The following ARNT2 variants were observed in gnomAD, a reference collection of about 807,000 sequenced individuals.
ARNT2 encodes ARNT protein 2.
Under a neutral mutation model 91.7 loss-of-function variants are expected in ARNT2, and 36 were observed. The observed-to-expected ratio is 0.39, with a 90% CI of 0.30 to 0.52. The LOEUF (loss-of-function observed/expected upper bound fraction) is 0.52. Ranked by LOEUF, ARNT2 falls within the 20% of genes least tolerant of loss-of-function variation. The probability of loss-of-function intolerance (pLI) is 0.72; values close to 1 mark genes in which losing one functional copy is unlikely to be tolerated. For synonymous variants in ARNT2, 365 were observed against 347.1 expected, an observed-to-expected ratio of 1.05 and a Z score of -0.57; for missense variants, 775 against 939.3, an observed-to-expected ratio of 0.83 and a Z score of 2.29.
chr15:80,424,463 T>C (rs1895905732), intron 1 of ARNT2, among the ~76,000 whole-genome samples: 1 of 152,224 alleles, frequency 6.6e-6, no homozygotes, highest in Non-Finnish European at 1.5e-5. Flanking sequence ...TGGCCCACTT[T>C]GGCAGGATGA....
intron 3 of ARNT2, among the ~76,000 whole-genome samples, chr15:80,462,451 C>T (rs1264484400): frequency 6.6e-6 from 1 of 152,218 alleles, no homozygotes; most frequent in Non-Finnish European, 1.5e-5. Context: ...CTTTTTGTTA[C>T]ATTTACAACT....
chr15:80,480,323 C>T (rs138898484), intron 5 of ARNT2, among the ~76,000 whole-genome samples: 42 of 152,212 alleles, frequency 2.8e-4, no homozygotes, highest in Non-Finnish European at 5.9e-4. Context: ...AAGCAGGGAG[C>T]AGCAGAAGCA....
intron 1 of ARNT2, among the ~76,000 whole-genome samples, chr15:80,409,968 G>A (rs1474080673): frequency 2.0e-5 from 3 of 152,138 alleles, no homozygotes; most frequent in Admixed American, 2.0e-4. Context: ...AGCTCACGGG[G>A]GACCACTTTT....
At chr15:80,507,710 G>A (rs1284638412) in intron 5 of ARNT2, among the ~76,000 whole-genome samples, 6 of 152,214 alleles carry the variant, frequency 3.9e-5, no homozygotes, top group South Asian at 2.1e-4. Context: ...AATCGGGAGC[G>A]CTCTGTCCGA....
chr15:80,508,049 C>A, intron 5 of ARNT2, 107 bp from the exon 6 acceptor site: 1 of 1,033,204 alleles, frequency 9.7e-7, no homozygotes, highest in Non-Finnish European at 1.5e-6. Flanking sequence ...CACAGCCACA[C>A]TTGTCCTCAT....
At chr15:80,482,829 G>A (rs1374994694) in intron 5 of ARNT2, among the ~76,000 whole-genome samples, 1 of 152,178 alleles carries the variant, frequency 6.6e-6, no homozygotes, top group Non-Finnish European at 1.5e-5. Context: ...AGAAGCTCTG[G>A]AGGCCCAGAG....
At chr15:80,563,346 C>A in intron 12 of ARNT2, 107 bp downstream of exon 12, 1 of 1,383,858 alleles carries the variant, frequency 7.2e-7, no homozygotes. Flanking sequence ...CTCCCTGCAG[C>A]TGGAAATCCC....
intron 8 of ARNT2, among the ~76,000 whole-genome samples, chr15:80,516,828 A>AATATATATATACATAT (rs1555411354): frequency 4.0e-5 from 3 of 74,800 alleles, no homozygotes; most frequent in East Asian, 9.2e-4. Context: ...TACAATTACA[A>AATATATATATACATAT]ATATATATAT....
In ARNT2 at chr15:80,596,539, C is replaced by T. The variant is rs578152780; in HGVS notation, c.*2841C>T. 6.6e-6 allele frequency: 1 copy of T among 152,304 alleles called. No individual in the cohort carries two copies. The highest frequency in any genetic ancestry group is 2.1e-4 in the South Asian group (1 of 4,816). 9.4% of individuals were successfully genotyped at this position (152,304 alleles called of 1,614,324 possible). On this transcript the variant is annotated 3_prime_UTR_variant, in exon 19 of 19. Transcript: ENST00000303329. ...TATCCTGGTTTGCAAAAGAGCCTCC[C>T]ATGCCAGTACCGCCCAGCCTTGGAG...
At chr15:80,588,441 C>T (rs187793121) in intron 17 of ARNT2, among the ~76,000 whole-genome samples, 30 of 152,204 alleles carry the variant, frequency 2.0e-4, no homozygotes, top group Admixed American at 1.8e-3. Context: ...TTTGTCCACC[C>T]ACCCATGGAC....
Position 80,542,430 on chromosome 15 carries a change from T to C in ARNT2, c.878-8769T>C, listed in dbSNP as rs115924425. 5.7e-3 allele frequency among the ~76,000 whole-genome samples: 870 copies of C among 152,310 alleles called. 13 individuals carry two copies. The highest frequency in any genetic ancestry group is 0.019 in the African/African-American group (803 of 41,564). On this transcript the variant is annotated intron_variant, in intron 8 of 18. Transcript: ENST00000303329. ...TTATTGATTTGCATAAAACCACCAC[T>C]ATTTTATTATATTCATAGATTTTGT...
At chr15:80,456,452 G>C (rs1445643164) in intron 2 of ARNT2, among the ~76,000 whole-genome samples, 1 of 152,118 alleles carries the variant, frequency 6.6e-6, no homozygotes, top group Non-Finnish European at 1.5e-5. Context: ...GATCCCGTCA[G>C]GTCATTCCAA....
intron 5 of ARNT2, among the ~76,000 whole-genome samples, chr15:80,507,378 G>A (rs1031425446): frequency 2.0e-5 from 3 of 152,158 alleles, no homozygotes; most frequent in African/African-American, 7.2e-5. Context: ...GTGAGGGAGA[G>A]GAGGGACTCG....
At chr15:80,432,031 C>G (rs1383306922) in intron 1 of ARNT2, among the ~76,000 whole-genome samples, 1 of 152,238 alleles carries the variant, frequency 6.6e-6, no homozygotes, top group Non-Finnish European at 1.5e-5. Flanking sequence ...GACCATGATC[C>G]TTGTGAAAGT....
At chr15:80,478,470 C>A (rs1896839656) in intron 5 of ARNT2, among the ~76,000 whole-genome samples, 2 of 152,202 alleles carry the variant, frequency 1.3e-5, no homozygotes, top group African/African-American at 4.8e-5. Context: ...GCCAAGGCAG[C>A]CAGAACCAGT....
chr15:80,433,355 G>A (rs969197914), intron 1 of ARNT2, among the ~76,000 whole-genome samples: 13 of 150,000 alleles, frequency 8.7e-5, no homozygotes, highest in Admixed American at 2.7e-4. Context: ...GTGCGATCTC[G>A]GCTCACTGCA....
intron 8 of ARNT2, among the ~76,000 whole-genome samples, chr15:80,524,602 C>T (rs1030382542): frequency 1.3e-5 from 2 of 152,050 alleles, no homozygotes; most frequent in East Asian, 1.9e-4. Context: ...GCTGGCCGGG[C>T]GCAGTGGCTC....
chr15:80,406,738 G>A (rs1355735484), intron 1 of ARNT2, among the ~76,000 whole-genome samples: 1 of 152,222 alleles, frequency 6.6e-6, no homozygotes, highest in Non-Finnish European at 1.5e-5. Flanking sequence ...CAGCTTGACA[G>A]ATGCTTTTCT....
Position 80,579,941 on chromosome 15 carries a change from G to A in ARNT2, c.1614-470G>A, listed in dbSNP as rs566282433. ...TTTTCATTGAGAAGCTTTTCTTTCC[G>A]TTTAAAACTGACAGCCTGCAACCTA... On this transcript the variant is annotated intron_variant, in intron 15 of 18. Coordinates refer to ENST00000303329, the MANE Select transcript of ARNT2 (RefSeq NM_014862.4). 3.4e-4 allele frequency: 54 copies of A among 158,358 alleles called. 1 individual carries two copies. In the South Asian group the frequency reaches 9.5e-3, roughly 28 times the overall value. 9.8% of individuals were successfully genotyped at this position (158,358 alleles called of 1,614,324 possible).
Sources: gnomAD v4.1 joint callset for allele counts (sites outside exome capture counted in the v4.1 genomes callset) on GRCh38, gnomAD v4.1.1 for gene constraint, MANE v1.5 for transcripts, NCBI Gene and HGNC (gene_info 2026-07-23, HGNC 2026-07-21) for gene names.